ATRNL1: variants seen among roughly 807,000 people sequenced by gnomAD.
The protein encoded by ATRNL1 is attractin like 1, also known as attractin-like protein 1.
Under a neutral mutation model 182.7 loss-of-function variants are expected in ATRNL1, and 95 were observed. The observed-to-expected ratio is 0.52, with a 90% CI of 0.44 to 0.62. The LOEUF (loss-of-function observed/expected upper bound fraction) is 0.62, where lower values mean the gene tolerates loss of function less well. Among genes scored for constraint, ATRNL1 ranks in the 20% least tolerant of loss-of-function variants. The pLI, the probability that ATRNL1 is intolerant of heterozygous loss-of-function variation, is 0.00. For synonymous variants in ATRNL1, 576 were observed against 568.3 expected (o/e 1.01, Z -0.19); for missense variants, 1,471 against 1,679.5 (o/e 0.88, Z 2.17).
chr10:115,465,439 G>A (rs1297195232), intron 22 of ATRNL1, among the ~76,000 whole-genome samples: 1 of 151,656 alleles, frequency 6.6e-6, no homozygotes, highest in African/African-American at 2.4e-5. Context: ...CAGTCAAAGA[G>A]TTGCTCAGTT....
At chr10:115,778,556 A>C (rs1555078506) in intron 27 of ATRNL1, among the ~76,000 whole-genome samples, 2 of 152,198 alleles carry the variant, frequency 1.3e-5, no homozygotes, top group African/African-American at 4.8e-5. Flanking sequence ...CAATGAACGA[A>C]CTAAATCATA....
At chr10:115,876,631 G>C (rs534602328) in intron 28 of ATRNL1, among the ~76,000 whole-genome samples, 6 of 152,304 alleles carry the variant, frequency 3.9e-5, no homozygotes, top group African/African-American at 1.4e-4. Context: ...ATAGAATTCA[G>C]TGTGTGCTCA....
chr10:115,727,632 A>G (rs1274243800), intron 27 of ATRNL1, among the ~76,000 whole-genome samples: 1 of 152,198 alleles, frequency 6.6e-6, no homozygotes, highest in Admixed American at 6.5e-5. Context: ...AATTTAAGAT[A>G]TAGGTATGAT....
chr10:115,603,186 G>A (rs1302003986), intron 26 of ATRNL1, among the ~76,000 whole-genome samples: 1 of 151,890 alleles, frequency 6.6e-6, no homozygotes, highest in Non-Finnish European at 1.5e-5. Context: ...CTCCAGCCCT[G>A]TTCCCCTCCC....
chr10:115,896,796 A>G (rs1451418967), intron 28 of ATRNL1, among the ~76,000 whole-genome samples: 5 of 152,192 alleles, frequency 3.3e-5, no homozygotes, highest in African/African-American at 1.2e-4. Flanking sequence ...TATGAATTCA[A>G]CCATTCCTCT....
intron 28 of ATRNL1, among the ~76,000 whole-genome samples, chr10:115,849,954 T>C (rs1951016374): frequency 6.6e-6 from 1 of 152,162 alleles, no homozygotes; most frequent in African/African-American, 2.4e-5. Context: ...AAGATTGAAA[T>C]AGCTTACCAT....
At chr10:115,673,366 G>A (rs1367264378) in intron 26 of ATRNL1, among the ~76,000 whole-genome samples, 3 of 151,904 alleles carry the variant, frequency 2.0e-5, no homozygotes, top group Non-Finnish European at 4.4e-5. Context: ...TAGGCAACTG[G>A]CCCCATGAGC....
At chr10:115,459,829 A>T (rs979796432) in intron 21 of ATRNL1, among the ~76,000 whole-genome samples, 3 of 151,966 alleles carry the variant, frequency 2.0e-5, no homozygotes, top group African/African-American at 7.3e-5. Context: ...GATCCTACCA[A>T]CGTGTGATGT....
Position 115,467,209 on chromosome 10 carries a change from A to C in ATRNL1, c.3453A>C (p.Ser1151=). Residue 1151 remains serine, a synonymous_variant, in exon 23 of 29, where the codon TCA becomes TCC. Coordinates refer to ENST00000355044, the MANE Select transcript of ATRNL1 (RefSeq NM_207303.4). ...ATCTGGATATATCAATTAATGCATC[A>C]AACAACTTTAATCTCAACATTACGT... ...NKNLDISINA[S]NNFNLNITWS... The C allele has an allele frequency of 1.2e-6, 2 of 1,605,066 alleles. No homozygotes were observed. The highest frequency in any genetic ancestry group is 1.7e-6 in the Non-Finnish European group (2 of 1,174,616).
chr10:115,947,875 G>A lies in ATRNL1; in HGVS notation c.*3096G>A, dbSNP rs1436751518. On this transcript the variant is annotated 3_prime_UTR_variant, in exon 29 of 29. Transcript: ENST00000355044. ...CTCAGCCTTCCATCTGTAAAGGGCGGTAATGGTGCCCACCTTTCGAGGCAT... is the reference window on the plus strand; with the variant it reads ...CTCAGCCTTCCATCTGTAAAGGGCGATAATGGTGCCCACCTTTCGAGGCAT... 6.6e-6 allele frequency: 1 copy of A among 152,182 alleles called. No homozygotes were observed. Among genetic ancestry groups the A allele is most frequent in the Non-Finnish European group, 1.5e-5 (1 of 68,030 alleles). 9.4% of individuals were successfully genotyped at this position (152,182 alleles called of 1,614,324 possible).
chr10:115,305,642 G>A (rs1449542276), intron 17 of ATRNL1, among the ~76,000 whole-genome samples: 2 of 152,140 alleles, frequency 1.3e-5, no homozygotes, highest in African/African-American at 2.4e-5. Context: ...CTTGTCTCTC[G>A]ACAAACATTA....
intron 26 of ATRNL1, among the ~76,000 whole-genome samples, chr10:115,694,283 A>G (rs1480874764): frequency 1.3e-5 from 2 of 151,986 alleles, no homozygotes; most frequent in Admixed American, 6.6e-5. Context: ...TATTTATAGT[A>G]ATAAATTACT....
intron 9 of ATRNL1, among the ~76,000 whole-genome samples, chr10:115,240,034 G>C (rs1189798462): frequency 1.3e-5 from 2 of 152,096 alleles, no homozygotes; most frequent in African/African-American, 2.4e-5. Context: ...GTGTGTGTGA[G>C]GCAGGCGTGA....
chr10:115,219,567 A>G lies in ATRNL1; in HGVS notation c.1532+3687A>G, dbSNP rs189750348. On this transcript the variant is annotated intron_variant, in intron 9 of 28. Coordinates refer to ENST00000355044, the MANE Select transcript of ATRNL1 (RefSeq NM_207303.4). Reference sequence around the variant, plus strand: ...TTTCCTGATATGTAATCATTCAAAGATTTGAATACTTCTGCAGCTGTTGTG... The same window carrying G: ...TTTCCTGATATGTAATCATTCAAAGGTTTGAATACTTCTGCAGCTGTTGTG... Among the ~76,000 whole-genome samples the G allele has an allele frequency of 5.2e-4, 79 of 152,316 alleles. 1 individual carries two copies. Among genetic ancestry groups the G allele is most frequent in the African/African-American group, 1.8e-3 (76 of 41,564 alleles).
At chr10:115,888,206 G>T (rs1383635396) in intron 28 of ATRNL1, among the ~76,000 whole-genome samples, 1 of 152,108 alleles carries the variant, frequency 6.6e-6, no homozygotes, top group Non-Finnish European at 1.5e-5. Context: ...TTAGATTGTA[G>T]CTCAATCATT....
chr10:115,942,354 G>C (rs1953756465), intron 28 of ATRNL1, among the ~76,000 whole-genome samples: 1 of 152,218 alleles, frequency 6.6e-6, no homozygotes, highest in African/African-American at 2.4e-5. Context: ...TCCTCAGTTA[G>C]ATACCGAAAT....
intron 6 of ATRNL1, among the ~76,000 whole-genome samples, chr10:115,162,013 A>G (rs946175728): frequency 2.0e-5 from 3 of 152,128 alleles, no homozygotes; most frequent in South Asian, 2.1e-4. Flanking sequence ...ATACATTAAC[A>G]TTAATGAAAA....
intron 26 of ATRNL1, among the ~76,000 whole-genome samples, chr10:115,712,464 C>A (rs925139976): frequency 1.3e-5 from 2 of 152,188 alleles, no homozygotes; most frequent in Admixed American, 6.5e-5. Flanking sequence ...GTCCAGAATT[C>A]TTGAGCTATG....
intron 26 of ATRNL1, among the ~76,000 whole-genome samples, chr10:115,587,872 C>A (rs1555010724): frequency 6.6e-6 from 1 of 151,628 alleles, no homozygotes; most frequent in Admixed American, 6.6e-5. Context: ...ATCTTCCAAA[C>A]CAGTAGAGAA....
Sources: gnomAD v4.1 joint callset for allele counts (sites outside exome capture counted in the v4.1 genomes callset) on GRCh38, gnomAD v4.1.1 for gene constraint, MANE v1.5 for transcripts, NCBI Gene and HGNC (gene_info 2026-07-23, HGNC 2026-07-21) for gene names.